RBFOX3: variants seen among roughly 807,000 people sequenced by gnomAD.
The protein encoded by RBFOX3 is RNA binding fox-1 homolog 3.
A neutral mutation model predicts 48.7 loss-of-function variants in RBFOX3; 17 were observed. The ratio of observed to expected loss-of-function variants is 0.35; its 90% confidence interval spans 0.24 to 0.52. The LOEUF is 0.52. Among genes scored for constraint, RBFOX3 ranks in the 20% least tolerant of loss-of-function variants. RBFOX3 has a pLI of 0.94. For synonymous variants in RBFOX3, 212 were observed against 209.5 expected (o/e 1.01, Z -0.10); for missense variants, 382 against 497.5 (o/e 0.77, Z 2.21).
chr17:79,331,089 T>A (rs902750860), intron 2 of RBFOX3, among the ~76,000 whole-genome samples: 1 of 152,140 alleles, frequency 6.6e-6, no homozygotes, highest in Non-Finnish European at 1.5e-5. Context: ...TATTTATGGG[T>A]TCTGTCCCCT....
chr17:79,239,338 C>A (rs1053377560), intron 3 of RBFOX3, among the ~76,000 whole-genome samples: 2 of 152,166 alleles, frequency 1.3e-5, no homozygotes, highest in African/African-American at 4.8e-5. Flanking sequence ...TGATTCTCAG[C>A]CTCACTGTTA....
chr17:79,182,789 G>C (rs1427915135), intron 4 of RBFOX3, among the ~76,000 whole-genome samples: 1 of 149,198 alleles, frequency 6.7e-6, no homozygotes, highest in Non-Finnish European at 1.5e-5. Context: ...CCGGAGGCCC[G>C]GCGCGCGGTC....
chr17:79,316,388 C>T (rs1252990258), intron 2 of RBFOX3, among the ~76,000 whole-genome samples: 1 of 152,240 alleles, frequency 6.6e-6, no homozygotes, highest in Non-Finnish European at 1.5e-5. Context: ...TGCTGTCCAG[C>T]TCAGTACAGA....
intron 3 of RBFOX3, among the ~76,000 whole-genome samples, chr17:79,297,746 G>A (rs1368095537): frequency 1.3e-5 from 2 of 152,240 alleles, no homozygotes; most frequent in Non-Finnish European, 2.9e-5. Context: ...TGGCCCTCAG[G>A]AAGTTATGCC....
At chr17:79,410,933 G>T (rs1433462386) in intron 2 of RBFOX3, among the ~76,000 whole-genome samples, 4 of 152,160 alleles carry the variant, frequency 2.6e-5, no homozygotes, top group African/African-American at 9.7e-5. Context: ...GCTGGCACCT[G>T]CTCACACCCC....
At chr17:79,387,804 T>C (rs2060767488) in intron 2 of RBFOX3, among the ~76,000 whole-genome samples, 1 of 152,228 alleles carries the variant, frequency 6.6e-6, no homozygotes. Flanking sequence ...AAGAGCCCAC[T>C]CCTTCCCAAC....
At chr17:79,178,670 G>A (rs1468802374) in intron 4 of RBFOX3, among the ~76,000 whole-genome samples, 4 of 152,178 alleles carry the variant, frequency 2.6e-5, no homozygotes, top group African/African-American at 9.7e-5. Flanking sequence ...AAATGTAACC[G>A]AGCTACTTCA....
chr17:79,112,909 G>C (rs866365162), intron 5 of RBFOX3, among the ~76,000 whole-genome samples: 53 of 109,918 alleles, frequency 4.8e-4, no homozygotes, highest in Non-Finnish European at 6.8e-4. Context: ...GCTCTCGGGG[G>C]GGGGGTGGGC....
At chr17:79,644,005 A>G in the RBFOX3 span, among the ~76,000 whole-genome samples, 3 of 152,164 alleles carry the variant, frequency 2.0e-5, no homozygotes, top group Admixed American at 6.5e-5. Flanking sequence ...ATAAAAAAAG[A>G]GAAAACACAA....
intron 4 of RBFOX3, among the ~76,000 whole-genome samples, chr17:79,168,616 G>A (rs1001691170): frequency 3.3e-5 from 5 of 152,246 alleles, no homozygotes; most frequent in Admixed American, 2.0e-4. Context: ...CTGAGCAGGT[G>A]TGGGCGGCCT....
intron 3 of RBFOX3, among the ~76,000 whole-genome samples, chr17:79,238,733 G>A (rs905080280): frequency 2.0e-5 from 3 of 152,074 alleles, no homozygotes; most frequent in African/African-American, 7.3e-5. Context: ...ACACACGTAC[G>A]AGTGTCTTTA....
In RBFOX3 at chr17:79,243,301, C is replaced by T. The variant is rs927103876; in HGVS notation, c.-73-7496G>A. Among the ~76,000 whole-genome samples, 1 of 152,102 alleles carries T rather than the reference C, an allele frequency of 6.6e-6. No homozygotes were observed. Among genetic ancestry groups the T allele is most frequent in the Non-Finnish European group, 1.5e-5 (1 of 68,008 alleles). Reference sequence around the variant, plus strand: ...CTGGAGTGTCAGAGTGAGCAGGGGGCAAACCAACGTGGCCCCAGGAGAAAA... The same window carrying T: ...CTGGAGTGTCAGAGTGAGCAGGGGGTAAACCAACGTGGCCCCAGGAGAAAA... On this transcript the variant is annotated intron_variant, in intron 3 of 14. Transcript: ENST00000693108. This position sits in a 1 kb window ranked among gnomAD's most constrained non-coding sequence, Gnocchi z 7.9.
At chr17:79,271,263 A>G (rs2067644633) in intron 3 of RBFOX3, among the ~76,000 whole-genome samples, 1 of 152,042 alleles carries the variant, frequency 6.6e-6, no homozygotes, top group East Asian at 1.9e-4. Context: ...TTTAGTAGAG[A>G]CAGTGTTTCA....
intron 4 of RBFOX3, among the ~76,000 whole-genome samples, chr17:79,181,340 A>G (rs1307430245): frequency 2.0e-5 from 3 of 152,186 alleles, no homozygotes; most frequent in African/African-American, 7.2e-5. Context: ...ATCTGTCCCC[A>G]ATAACCTGAC....
intron 1 of RBFOX3, among the ~76,000 whole-genome samples, chr17:79,513,150 C>T (rs1365457078): frequency 6.6e-6 from 1 of 151,946 alleles, no homozygotes. Flanking sequence ...AAGTACAGTC[C>T]TATAGCCAGG....
chr17:79,094,343 G>C, intron 14 of RBFOX3, 108 bp downstream of exon 14: 2 of 754,802 alleles, frequency 2.6e-6, no homozygotes, highest in Non-Finnish European at 4.0e-6. Context: ...CAAAGTCTCC[G>C]GGACCAAGGC....
chr17:79,530,188 A>G (rs962686150), intron 1 of RBFOX3, among the ~76,000 whole-genome samples: 1 of 152,128 alleles, frequency 6.6e-6, no homozygotes, highest in Admixed American at 6.5e-5. Flanking sequence ...CCCTGGAGAA[A>G]ACCTCCAGCT....
intron 4 of RBFOX3, among the ~76,000 whole-genome samples, chr17:79,138,575 TACACC>T (rs2040823719): frequency 4.0e-5 from 6 of 150,092 alleles, no homozygotes; most frequent in Non-Finnish European, 5.9e-5. Context: ...AAACACACAT[TACACC>T]TGTATGGTGA....
intron 3 of RBFOX3, among the ~76,000 whole-genome samples, chr17:79,280,234 C>T (rs1186991854): frequency 3.8e-5 from 2 of 51,952 alleles, no homozygotes; most frequent in Non-Finnish European, 7.2e-5. Flanking sequence ...CACACGCACA[C>T]ATGCACACAC....
Sources: allele counts gnomAD v4.1 joint callset (sites outside exome capture counted in the v4.1 genomes callset), GRCh38; gene constraint gnomAD v4.1.1; non-coding constraint Gnocchi (gnomAD v3.1); transcripts MANE v1.5; gene names NCBI Gene and HGNC (gene_info 2026-07-23, HGNC 2026-07-21).